PDE1A: variants seen among roughly 807,000 people sequenced by gnomAD.
The protein encoded by PDE1A is dual specificity calcium/calmodulin-dependent 3',5'-cyclic nucleotide phosphodiesterase 1A.
PDE1A carries 35 observed loss-of-function variants against 61.7 expected under a neutral mutation model. That is an observed-to-expected ratio of 0.57 (90% CI 0.43 to 0.75). The LOEUF is 0.75. PDE1A is among the 30% of genes least tolerant of loss of function. The probability of loss-of-function intolerance (pLI) is 0.00; values close to 1 mark genes in which losing one functional copy is unlikely to be tolerated. For synonymous variants in PDE1A, 232 were observed against 213.2 expected, an observed-to-expected ratio of 1.09 and a Z score of -0.77; for missense variants, 597 against 630.6, an observed-to-expected ratio of 0.95 and a Z score of 0.57.
chr2:182,710,126 A>G, the PDE1A span, among the ~76,000 whole-genome samples: 1 of 152,108 alleles, frequency 6.6e-6, no homozygotes, highest in Non-Finnish European at 1.5e-5. Flanking sequence ...CGATCTCCTG[A>G]CCTTATGATC....
At chr2:182,471,475 A>G (rs922455515) in intron 2 of PDE1A, among the ~76,000 whole-genome samples, 2 of 151,728 alleles carry the variant, frequency 1.3e-5, no homozygotes, top group Admixed American at 6.6e-5. Context: ...GACTAAAATG[A>G]AACTAGTTTT....
the PDE1A span, among the ~76,000 whole-genome samples, chr2:182,667,353 C>T: frequency 6.6e-6 from 1 of 152,116 alleles, no homozygotes; most frequent in African/African-American, 2.4e-5. Flanking sequence ...AAGTATTGTC[C>T]ATTGGCCTCT....
At chr2:182,171,574 G>T (rs1232556989) in intron 13 of PDE1A, among the ~76,000 whole-genome samples, 1 of 151,812 alleles carries the variant, frequency 6.6e-6, no homozygotes, top group East Asian at 1.9e-4. Flanking sequence ...GGTAACAAAA[G>T]AAGGGATTTC....
At chr2:182,326,011 G>T (rs1394149571) in intron 1 of PDE1A, among the ~76,000 whole-genome samples, 1 of 152,024 alleles carries the variant, frequency 6.6e-6, no homozygotes, top group African/African-American at 2.4e-5. Flanking sequence ...TATATAAATG[G>T]CAAATGAACA....
At chr2:182,587,100 CT>C in the PDE1A span, among the ~76,000 whole-genome samples, 1 of 152,142 alleles carries the variant, frequency 6.6e-6, no homozygotes, top group Non-Finnish European at 1.5e-5. Context: ...GCACAGAGTG[CT>C]CCAGACAAAG....
intron 1 of PDE1A, among the ~76,000 whole-genome samples, chr2:182,381,368 C>T (rs1700724389): frequency 6.6e-6 from 1 of 152,016 alleles, no homozygotes; most frequent in South Asian, 2.1e-4. Flanking sequence ...TCTAATTAGG[C>T]CAAAATGTGA....
At chr2:182,485,505 AC>A (rs1412412257) in intron 2 of PDE1A, among the ~76,000 whole-genome samples, 1 of 151,976 alleles carries the variant, frequency 6.6e-6, no homozygotes, top group Non-Finnish European at 1.5e-5. Flanking sequence ...GTACCCCCAA[AC>A]CTAAAATAAA....
At chr2:182,249,731 AC>A (rs1161815398) in intron 2 of PDE1A, among the ~76,000 whole-genome samples, 35 of 49,636 alleles carry the variant, frequency 7.1e-4, no homozygotes, top group Admixed American at 3.2e-3. Flanking sequence ...TTACCCCCCA[AC>A]CCCCCCCCCA....
the PDE1A span, among the ~76,000 whole-genome samples, chr2:182,626,143 G>C: frequency 6.6e-6 from 1 of 152,146 alleles, no homozygotes; most frequent in Non-Finnish European, 1.5e-5. Flanking sequence ...TGAGACTGTA[G>C]CTTGACACTT....
At chr2:182,191,502 G>A (rs909360091) in intron 10 of PDE1A, among the ~76,000 whole-genome samples, 9 of 152,038 alleles carry the variant, frequency 5.9e-5, no homozygotes, top group Admixed American at 1.3e-4. Flanking sequence ...ATACAACTGC[G>A]TTTTATTCTT....
At chr2:182,576,411 C>T in the PDE1A span, among the ~76,000 whole-genome samples, 281 of 152,270 alleles carry the variant, frequency 1.8e-3, 2 homozygotes, top group African/African-American at 6.2e-3. Context: ...CTTTTTAAGA[C>T]TGAATAATAT....
intron 2 of PDE1A, among the ~76,000 whole-genome samples, chr2:182,497,303 A>C (rs1283025701): frequency 6.6e-6 from 1 of 152,172 alleles, no homozygotes; most frequent in Non-Finnish European, 1.5e-5. Context: ...AACCTTAGCA[A>C]AGGATGACAG....
chr2:182,560,582 A>C, the PDE1A span, among the ~76,000 whole-genome samples: 1 of 152,050 alleles, frequency 6.6e-6, no homozygotes, highest in East Asian at 1.9e-4. Context: ...TATACCCAGT[A>C]ATGGGATGGC....
At chr2:182,466,575 G>A (rs368744925) in intron 2 of PDE1A, among the ~76,000 whole-genome samples, 2 of 151,962 alleles carry the variant, frequency 1.3e-5, no homozygotes, top group African/African-American at 2.4e-5. Flanking sequence ...AGGTGAGGAT[G>A]GAAACAGTGA....
At chr2:182,574,503 G>A in the PDE1A span, among the ~76,000 whole-genome samples, 4 of 151,948 alleles carry the variant, frequency 2.6e-5, no homozygotes, top group Non-Finnish European at 5.9e-5. Context: ...AACCAGAAAC[G>A]CACCAATCCC....
intron 1 of PDE1A, among the ~76,000 whole-genome samples, chr2:182,360,191 A>G (rs1279787882): frequency 6.6e-6 from 1 of 152,062 alleles, no homozygotes; most frequent in Non-Finnish European, 1.5e-5. Flanking sequence ...GAATTACTAC[A>G]TTTCCTAGTA....
chr2:182,177,264 C>T (rs1212538052), intron 13 of PDE1A, among the ~76,000 whole-genome samples: 18 of 152,112 alleles, frequency 1.2e-4, no homozygotes, highest in Admixed American at 9.8e-4. Flanking sequence ...AGGAATGGCA[C>T]CAGTTTCTCC....
At chr2:182,375,031 T>G (rs1190580921) in intron 1 of PDE1A, among the ~76,000 whole-genome samples, 2 of 152,172 alleles carry the variant, frequency 1.3e-5, no homozygotes, top group African/African-American at 2.4e-5. Context: ...GAGAACAGTA[T>G]GTGGGAAACT....
chr2:182,698,254 T>G, the PDE1A span, among the ~76,000 whole-genome samples: 1 of 152,142 alleles, frequency 6.6e-6, no homozygotes, highest in East Asian at 1.9e-4. Context: ...TAGGAGAAAG[T>G]GGTTCTTTAT....
Sources: gnomAD v4.1 joint callset for allele counts (sites outside exome capture counted in the v4.1 genomes callset) on GRCh38, gnomAD v4.1.1 for gene constraint, MANE v1.5 for transcripts, NCBI Gene and HGNC (gene_info 2026-07-23, HGNC 2026-07-21) for gene names.